WDPCP: variants seen among roughly 807,000 people sequenced by gnomAD.
The protein encoded by WDPCP is WD repeat-containing and planar cell polarity effector protein fritz homolog.
WDPCP carries 71 observed loss-of-function variants against 93.1 expected under a neutral mutation model. The observed-to-expected ratio is 0.76, with a 90% CI of 0.63 to 0.93. The LOEUF is 0.93. Ranked by LOEUF, WDPCP falls within the 40% of genes least tolerant of loss-of-function variation. The pLI is 0.00. For missense variants in WDPCP, 844 were observed against 887.4 expected (o/e 0.95, Z 0.62); for synonymous variants, 315 against 315.0 (o/e 1.00, Z 0.00).
rs140273675 is a variant in WDPCP, at chr2:63,605,727, C to T, written n.488+44932G>A. 3,784 of 601,128 alleles carry T rather than the reference C, an allele frequency of 6.3e-3. 12 individuals are homozygous for T. Among genetic ancestry groups the T allele is most frequent in the Non-Finnish European group, 9.6e-3 (3,250 of 338,930 alleles). 37.2% of individuals were successfully genotyped at this position (601,128 alleles called of 1,614,324 possible). On this transcript the variant is annotated intron_variant and non_coding_transcript_variant, in intron 3 of 4. Transcript: ENST00000467687. ...TCTGTAAAATGAGGATTAGGTTTCC[C>T]TGGCCTACTTCACATATGATATGGA...
intron 2 of WDPCP, among the ~76,000 whole-genome samples, chr2:63,677,251 T>A (rs762909382): frequency 2.1e-4 from 32 of 152,230 alleles, no homozygotes; most frequent in Non-Finnish European, 4.4e-4. Flanking sequence ...CAAAAGTAAA[T>A]CCTCTGTGAA....
At chr2:63,685,179 T>A (rs1036253515) in intron 2 of WDPCP, among the ~76,000 whole-genome samples, 1 of 152,114 alleles carries the variant, frequency 6.6e-6, no homozygotes, top group Non-Finnish European at 1.5e-5. Flanking sequence ...AGCTGTTTTT[T>A]ACAAAACATA....
At chr2:63,438,936 C>T (rs539975029) in intron 7 of WDPCP, among the ~76,000 whole-genome samples, 5 of 152,154 alleles carry the variant, frequency 3.3e-5, no homozygotes, top group African/African-American at 9.6e-5. Flanking sequence ...TTTAAAAATT[C>T]AGGAGTCAGA....
At chr2:63,172,469 C>G (rs1430126930) in intron 15 of WDPCP, among the ~76,000 whole-genome samples, 1 of 152,142 alleles carries the variant, frequency 6.6e-6, no homozygotes, top group Admixed American at 6.5e-5. Context: ...GATCGCACCA[C>G]TGCATTCCAG....
intron 2 of WDPCP, among the ~76,000 whole-genome samples, chr2:63,749,654 T>C (rs181121591): frequency 1.3e-5 from 2 of 152,224 alleles, no homozygotes; most frequent in East Asian, 1.9e-4. Flanking sequence ...AGCCATGATG[T>C]TTAGTAGGTT....
chr2:63,375,314 T>C (rs1247754080), intron 12 of WDPCP, among the ~76,000 whole-genome samples: 1 of 152,048 alleles, frequency 6.6e-6, no homozygotes, highest in Non-Finnish European at 1.5e-5. Context: ...AATTACCTTT[T>C]AAACTTAGTT....
intron 14 of WDPCP, among the ~76,000 whole-genome samples, chr2:63,207,689 T>C (rs1676448132): frequency 6.6e-6 from 1 of 152,220 alleles, no homozygotes; most frequent in East Asian, 1.9e-4. Context: ...AGGATTTCAT[T>C]AGAATATGTC....
At chr2:63,610,312 G>A (rs1233128569) in intron 3 of WDPCP, among the ~76,000 whole-genome samples, 1 of 152,066 alleles carries the variant, frequency 6.6e-6, no homozygotes, top group African/African-American at 2.4e-5. Flanking sequence ...AAACCTTAAG[G>A]GAATATTGAC....
chr2:63,542,801 T>C (rs1704843098), intron 1 of WDPCP, among the ~76,000 whole-genome samples: 1 of 152,140 alleles, frequency 6.6e-6, no homozygotes, highest in Non-Finnish European at 1.5e-5. Context: ...CATATGTATG[T>C]CCATGAGTCT....
intron 1 of WDPCP, among the ~76,000 whole-genome samples, chr2:63,529,817 CT>C (rs1383163794): frequency 6.6e-6 from 1 of 152,156 alleles, no homozygotes; most frequent in Non-Finnish European, 1.5e-5. Context: ...GCTGTGAATC[CT>C]TCTGGTCCTC....
At chr2:63,256,197 G>A (rs954262327) in intron 14 of WDPCP, among the ~76,000 whole-genome samples, 16 of 152,048 alleles carry the variant, frequency 1.1e-4, no homozygotes, top group Non-Finnish European at 1.5e-4. Context: ...CAGGGTATAA[G>A]CTGATTTTGA....
intron 10 of WDPCP, among the ~76,000 whole-genome samples, chr2:63,398,104 G>A (rs186480208): frequency 1.3e-5 from 2 of 152,182 alleles, no homozygotes; most frequent in Non-Finnish European, 2.9e-5. Context: ...TGAACTGAGA[G>A]GGAAAGATTC....
chr2:63,405,653 A>T (rs1458501505), intron 9 of WDPCP, among the ~76,000 whole-genome samples: 1 of 151,106 alleles, frequency 6.6e-6, no homozygotes, highest in African/African-American at 2.4e-5. Flanking sequence ...TGATTTGTCA[A>T]TCCTGGTGGA....
intron 3 of WDPCP, among the ~76,000 whole-genome samples, chr2:63,629,649 G>C (rs1709844333): frequency 6.6e-6 from 1 of 152,208 alleles, no homozygotes; most frequent in Non-Finnish European, 1.5e-5. Flanking sequence ...GGAAGTATCA[G>C]TAAAGGCTTA....
At chr2:63,239,114 T>C (rs959373811) in intron 14 of WDPCP, among the ~76,000 whole-genome samples, 1 of 152,200 alleles carries the variant, frequency 6.6e-6, no homozygotes, top group African/African-American at 2.4e-5. Context: ...TGTGTGTATA[T>C]ATGGGTGTAT....
At chr2:63,202,886 T>C (rs1676025432) in intron 14 of WDPCP, among the ~76,000 whole-genome samples, 1 of 152,172 alleles carries the variant, frequency 6.6e-6, no homozygotes, top group Non-Finnish European at 1.5e-5. Context: ...GTATCTTACA[T>C]TCAGCCTAGT....
At chr2:63,527,623 T>C (rs1310523512) in intron 1 of WDPCP, among the ~76,000 whole-genome samples, 7 of 152,124 alleles carry the variant, frequency 4.6e-5, no homozygotes, top group African/African-American at 1.7e-4. Context: ...CTATCATTGA[T>C]GGACATTTGG....
chr2:63,754,132 T>G (rs2103892858), intron 2 of WDPCP, among the ~76,000 whole-genome samples: 1 of 152,344 alleles, frequency 6.6e-6, no homozygotes, highest in Non-Finnish European at 1.5e-5. Context: ...GGGCTGGACT[T>G]TTATGCCATC....
At chr2:63,611,404 A>G (rs577689912) in intron 3 of WDPCP, among the ~76,000 whole-genome samples, 1 of 152,138 alleles carries the variant, frequency 6.6e-6, no homozygotes, top group Non-Finnish European at 1.5e-5. Context: ...TTATATGTAC[A>G]TTTAATACCA....
Sources: allele counts gnomAD v4.1 joint callset (sites outside exome capture counted in the v4.1 genomes callset), GRCh38; gene constraint gnomAD v4.1.1; transcripts MANE v1.5; gene names NCBI Gene and HGNC (gene_info 2026-07-23, HGNC 2026-07-21).